Variants in SNRNP200 observed in about 807,000 individuals in gnomAD.
The protein encoded by SNRNP200 is U5 small nuclear ribonucleoprotein 200 kDa helicase.
Under a neutral mutation model 255.2 loss-of-function variants are expected in SNRNP200, and 66 were observed. That is an observed-to-expected ratio of 0.26 (90% CI 0.21 to 0.32). The LOEUF is 0.32. Ranked by LOEUF, SNRNP200 falls within the 10% of genes least tolerant of loss-of-function variation. SNRNP200 has a pLI of 1.00. For missense variants in SNRNP200, 1,585 were observed against 2,749.8 expected (o/e 0.58, Z 9.47); for synonymous variants, 939 against 1,027.8 (o/e 0.91, Z 1.65).
In SNRNP200 at chr2:96,283,046, G is replaced by T; in HGVS notation, c.4915+155C>A. 1.0e-6 allele frequency: 1 copy of T among 969,436 alleles called. No homozygotes were observed. Among genetic ancestry groups the T allele is most frequent in the Non-Finnish European group, 1.6e-6 (1 of 624,142 alleles). The allele number at this position is 969,436 out of a possible 1,614,324, so 60.1% of individuals were successfully genotyped here. A position where few individuals can be genotyped will look rare whatever the true frequency, so the allele number is the denominator to read the frequency against. On this transcript the variant is annotated intron_variant, in intron 34 of 44. Transcript: ENST00000323853. This position sits in a 1 kb window ranked among gnomAD's most constrained non-coding sequence, Gnocchi z 4.7. ...GTCTCACCTGCCTCACGAGGTTCTT[G>T]GGAGGATCAAATGAGTTAACAGCCA...
intron 3 of SNRNP200, 25 bp downstream of exon 3, chr2:96,303,134 A>G (rs2063963567): frequency 1.2e-6 from 2 of 1,608,178 alleles, no homozygotes; most frequent in South Asian, 2.2e-5. Flanking sequence ...AAGACCTAAT[A>G]TATATTTCAC....
rs566852824 is a variant in SNRNP200 at position 96,276,822 on chromosome 2, G to A, written c.6174+82C>T. 331 of 1,260,490 alleles carry A rather than the reference G, an allele frequency of 2.6e-4. 1 individual carries two copies. The highest frequency in any genetic ancestry group is 2.6e-3 in the South Asian group (217 of 83,858). The allele number at this position is 1,260,490 out of a possible 1,614,324, so 78.1% of individuals were successfully genotyped here. A position where few individuals can be genotyped will look rare whatever the true frequency, so the allele number is the denominator to read the frequency against. On this transcript the variant is annotated intron_variant, in intron 43 of 44. Transcript: ENST00000323853. The stretch of plus-strand genomic sequence containing the variant: ...ATCAGTCTAAAGTTTCCCTCCCTCA[G>A]GGACAGTGTGCCCTTGTACCAAGCA...
intron 3 of SNRNP200, among the ~76,000 whole-genome samples, chr2:96,301,967 G>A (rs1284802634): frequency 6.6e-6 from 1 of 152,230 alleles, no homozygotes; most frequent in Non-Finnish European, 1.5e-5. Flanking sequence ...CCAGGTGGTA[G>A]TCACTTGGCA....
intron 3 of SNRNP200, 22 bp from the exon 4 acceptor site, chr2:96,301,738 C>T: frequency 6.2e-7 from 1 of 1,613,946 alleles, no homozygotes; most frequent in Non-Finnish European, 8.5e-7. Context: ...AAACAACCAA[C>T]CAATATTGAG....
chr2:96,275,236 A>AGGGC, intron 44 of SNRNP200, 21 bp downstream of exon 44: 1 of 1,614,030 alleles, frequency 6.2e-7, no homozygotes, highest in Non-Finnish European at 8.5e-7. Context: ...AACAAATGCT[A>AGGGC]GGGCCAGTGG....
At chr2:96,301,122 T>C (rs1467106498) in intron 4 of SNRNP200, 69 bp from the exon 5 acceptor site, 4 of 1,294,384 alleles carry the variant, frequency 3.1e-6, no homozygotes, top group Non-Finnish European at 4.5e-6. Context: ...CTGGAGCCAA[T>C]GTCCTCCCCG....
chr2:96,279,375 A>C, intron 36 of SNRNP200, 76 bp downstream of exon 36: 1 of 919,140 alleles, frequency 1.1e-6, no homozygotes, highest in South Asian at 1.4e-5. Context: ...GTTACTGAAG[A>C]CATCTATCAA....
Position 96,283,233 on chromosome 2 carries a change from T to A in SNRNP200, c.4883A>T (p.Glu1628Val). The A allele has an allele frequency of 6.2e-7, 1 of 1,614,144 alleles. No homozygotes were observed. The highest frequency in any genetic ancestry group is 8.5e-7 in the Non-Finnish European group (1 of 1,180,036). ...GYLHEGLSPM[E>V]RRLVEQLFSS... is the part of the protein sequence containing the mutation. ...GAAGAGCTGCTCCACCAGGCGTCGC[T>A]CCATGGGGCTGAGCCCCTCATGCAG... Residue 1628 changes from glutamate (E) to valine (V), a missense_variant, in exon 34 of 45, where the codon GAG becomes GTG. Coordinates refer to ENST00000323853, the MANE Select transcript of SNRNP200 (RefSeq NM_014014.5). This position sits in a 1 kb window ranked among gnomAD's most constrained non-coding sequence, Gnocchi z 4.7.
intron 43 of SNRNP200, 144 bp downstream of exon 43, chr2:96,276,760 T>C (rs1352430405): frequency 4.6e-6 from 4 of 874,960 alleles, no homozygotes; most frequent in Non-Finnish European, 5.9e-6. Context: ...AAAAACCCCA[T>C]AGCCTCAAGA....
intron 43 of SNRNP200, among the ~76,000 whole-genome samples, chr2:96,275,600 G>A (rs1420727512): frequency 3.3e-5 from 5 of 152,108 alleles, no homozygotes; most frequent in African/African-American, 1.2e-4. Context: ...CTCCCACTTA[G>A]TACCTGCCAC....
In SNRNP200 at chr2:96,290,604, A is replaced by G; in HGVS notation, c.2553+80T>C. 3.1e-6 allele frequency: 5 copies of G among 1,612,764 alleles called. No homozygotes were observed. Among genetic ancestry groups the G allele is most frequent in the Non-Finnish European group, 2.5e-6 (3 of 1,178,806 alleles). On this transcript the variant is annotated intron_variant, in intron 19 of 44. Coordinates refer to ENST00000323853, the MANE Select transcript of SNRNP200 (RefSeq NM_014014.5). This position sits in a 1 kb window ranked among gnomAD's most constrained non-coding sequence, Gnocchi z 4.5. ...TCTACATTACAGAACTAGACCTCTG[A>G]TCTGCTAGCTTTCCAGCATCCCTGC...
chr2:96,287,658 C>A lies in SNRNP200; in HGVS notation c.3366-101G>T. On this transcript the variant is annotated intron_variant, in intron 25 of 44. Transcript: ENST00000323853. This position sits in a 1 kb window ranked among gnomAD's most constrained non-coding sequence, Gnocchi z 5.7. ...AGTTTAGCAGTGACTACACAAAACA[C>A]AGTCATTAAAGGCAGACACTGACAC... The A allele has an allele frequency of 9.9e-7, 1 of 1,013,062 alleles. No homozygotes were observed. The highest frequency in any genetic ancestry group is 2.5e-4 in the Middle Eastern group (1 of 3,982). The allele number at this position is 1,013,062 out of a possible 1,614,324, so 62.8% of individuals were successfully genotyped here. A position where few individuals can be genotyped will look rare whatever the true frequency, so the allele number is the denominator to read the frequency against.
At position 96,279,569 on chromosome 2, in the gene SNRNP200, G is replaced by C; in HGVS notation, c.5025-10C>G. The C allele has an allele frequency of 1.3e-6, 2 of 1,594,324 alleles. No individual in the cohort carries two copies. Among genetic ancestry groups the C allele is most frequent in the Non-Finnish European group, 1.7e-6 (2 of 1,162,498 alleles). On this transcript the variant is annotated splice_polypyrimidine_tract_variant and intron_variant, in intron 35 of 44. Coordinates refer to ENST00000323853, the MANE Select transcript of SNRNP200 (RefSeq NM_014014.5). Reference sequence around the variant, plus strand: ...GGGGTAATCCACATAGCTGGTGACAGAAGCAGGGAAAGAAGGAAAAGCCAC... The same window carrying C: ...GGGGTAATCCACATAGCTGGTGACACAAGCAGGGAAAGAAGGAAAAGCCAC...
chr2:96,284,744 T>C, intron 30 of SNRNP200, 159 bp from the exon 31 acceptor site: 1 of 614,892 alleles, frequency 1.6e-6, no homozygotes. Context: ...ATGGGGCAGC[T>C]TTTTCTTTTT....
At position 96,277,758 on chromosome 2, in the gene SNRNP200, G is replaced by C; in HGVS notation, c.5755-43C>G. On this transcript the variant is annotated intron_variant, in intron 40 of 44. Coordinates refer to ENST00000323853, the MANE Select transcript of SNRNP200 (RefSeq NM_014014.5). The surrounding 1 kb of genome is among the most constrained non-coding windows in gnomAD (Gnocchi z 4.4). ...TATAAAAGTGGGCGGAGTTGGAGCT[G>C]AGATGTTTAGAGCACCACTGACCCC... The C allele has an allele frequency of 6.2e-7, 1 of 1,614,136 alleles. No homozygotes were observed. The highest frequency in any genetic ancestry group is 8.5e-7 in the Non-Finnish European group (1 of 1,180,022).
Position 96,286,649 on chromosome 2 carries a change from AGG to A in SNRNP200, c.3829+37_3829+38del. The stretch of plus-strand genomic sequence containing the variant: ...CAAGACATTCTTCTACTGTCCTTGG[AGG>A]GACTGTTCCTGGGGACTCTGGAGAG... On this transcript the variant is annotated intron_variant, in intron 28 of 44. Coordinates refer to ENST00000323853, the MANE Select transcript of SNRNP200 (RefSeq NM_014014.5). The surrounding 1 kb of genome is among the most constrained non-coding windows in gnomAD (Gnocchi z 4.8). 25 of 1,608,958 alleles carry A rather than the reference AGG, an allele frequency of 1.6e-5. No homozygotes were observed. The highest frequency in any genetic ancestry group is 2.1e-5 in the Non-Finnish European group (25 of 1,176,896).
At chr2:96,303,475 T>C in intron 2 of SNRNP200, 145 bp from the exon 3 acceptor site, 5 of 1,017,668 alleles carry the variant, frequency 4.9e-6, no homozygotes, top group South Asian at 1.3e-5. Context: ...AATGATTCCG[T>C]TTGGCCTTAA....
Position 96,277,042 on chromosome 2 carries a change from C to CAT in SNRNP200, c.6092+38_6092+39insAT, listed in dbSNP as rs1192835520. The CAT allele has an allele frequency of 6.2e-7, 1 of 1,613,706 alleles. No homozygotes were observed. The highest frequency in any genetic ancestry group is 1.3e-5 in the African/African-American group (1 of 74,924). On this transcript the variant is annotated intron_variant, in intron 42 of 44. Transcript: ENST00000323853. The surrounding 1 kb of genome is among the most constrained non-coding windows in gnomAD (Gnocchi z 4.4). The stretch of plus-strand genomic sequence containing the variant: ...GATGGGGCAGTGGGCTCAGAGCACA[C>CAT]TATTATGCTGTGCCCAACAGGCACC...
chr2:96,282,242 G>A (rs1047155514), intron 34 of SNRNP200: 11 of 342,218 alleles, frequency 3.2e-5, no homozygotes, highest in African/African-American at 1.7e-4. Context: ...ATGCAGCCAC[G>A]GGCTGGCTCA....
Sources: gnomAD v4.1 joint callset for allele counts (sites outside exome capture counted in the v4.1 genomes callset) on GRCh38, gnomAD v4.1.1 for gene constraint, Gnocchi (gnomAD v3.1) non-coding constraint, MANE v1.5 for transcripts, NCBI Gene and HGNC (gene_info 2026-07-23, HGNC 2026-07-21) for gene names.